Variants in CDH12 observed in about 807,000 individuals in gnomAD.
The protein encoded by CDH12 is cadherin 12.
A neutral mutation model predicts 74.1 loss-of-function variants in CDH12; 41 were observed. That is an observed-to-expected ratio of 0.55 (90% confidence interval 0.43 to 0.72). The LOEUF (loss-of-function observed/expected upper bound fraction) is 0.72. Among genes scored for constraint, CDH12 ranks in the 30% least tolerant of loss-of-function variants. CDH12 has a pLI of 0.00. For synonymous variants in CDH12, 399 were observed against 355.0 expected, an observed-to-expected ratio of 1.12 and a Z score of -1.39; for missense variants, 945 against 977.2, an observed-to-expected ratio of 0.97 and a Z score of 0.44.
intron 1 of CDH12, among the ~76,000 whole-genome samples, chr5:22,759,583 G>A (rs2127052606): frequency 6.6e-6 from 1 of 152,182 alleles, no homozygotes; most frequent in South Asian, 2.1e-4. Flanking sequence ...TACCTAATCT[G>A]AACTGGCTCC....
At chr5:21,887,555 T>C (rs1265783758) in intron 6 of CDH12, among the ~76,000 whole-genome samples, 1 of 152,162 alleles carries the variant, frequency 6.6e-6, no homozygotes, top group Non-Finnish European at 1.5e-5. Flanking sequence ...TGCGGATCCA[T>C]AGCTTCCCTA....
chr5:22,782,443 C>G (rs1328675514), intron 1 of CDH12, among the ~76,000 whole-genome samples: 2 of 152,108 alleles, frequency 1.3e-5, no homozygotes, highest in African/African-American at 2.4e-5. Context: ...TCTCTCTCTC[C>G]TGCTGCCCTG....
intron 1 of CDH12, among the ~76,000 whole-genome samples, chr5:22,830,713 T>G (rs1164585691): frequency 6.6e-6 from 1 of 151,758 alleles, no homozygotes; most frequent in Non-Finnish European, 1.5e-5. Context: ...TTGAATTTCA[T>G]GTAAAACATC....
intron 1 of CDH12, among the ~76,000 whole-genome samples, chr5:22,822,865 C>A (rs556325055): frequency 6.6e-6 from 1 of 152,258 alleles, no homozygotes; most frequent in South Asian, 2.1e-4. Flanking sequence ...CCATTTGACC[C>A]AGCCATCCGA....
At chr5:21,923,123 A>T (rs1215767232) in intron 6 of CDH12, among the ~76,000 whole-genome samples, 1 of 152,126 alleles carries the variant, frequency 6.6e-6, no homozygotes, top group African/African-American at 2.4e-5. Flanking sequence ...TAATGCAATA[A>T]AGTTTTAACT....
intron 1 of CDH12, among the ~76,000 whole-genome samples, chr5:22,615,494 T>C (rs1321919164): frequency 6.6e-6 from 1 of 152,084 alleles, no homozygotes; most frequent in Admixed American, 6.6e-5. Flanking sequence ...TTTACAGTTC[T>C]GGGAAATTTT....
At chr5:22,160,385 C>T (rs1160905616) in intron 4 of CDH12, among the ~76,000 whole-genome samples, 1 of 152,074 alleles carries the variant, frequency 6.6e-6, no homozygotes, top group African/African-American at 2.4e-5. Context: ...ATTTACTGCC[C>T]TTGGTTCTCC....
intron 4 of CDH12, among the ~76,000 whole-genome samples, chr5:22,139,953 A>G (rs1746693226): frequency 6.6e-6 from 1 of 152,006 alleles, no homozygotes; most frequent in Non-Finnish European, 1.5e-5. Flanking sequence ...TTCATCATGA[A>G]GAACTACTTT....
chr5:21,876,204 A>C (rs1471704692), intron 6 of CDH12, among the ~76,000 whole-genome samples: 2 of 152,042 alleles, frequency 1.3e-5, no homozygotes, highest in Non-Finnish European at 2.9e-5. Flanking sequence ...CTTTGTTTGC[A>C]TTTTAATGGT....
At chr5:22,265,691 T>C (rs1302598793) in intron 3 of CDH12, among the ~76,000 whole-genome samples, 1 of 152,056 alleles carries the variant, frequency 6.6e-6, no homozygotes, top group Admixed American at 6.6e-5. Context: ...TGGGGGAAAA[T>C]AGTACTGAAG....
intron 1 of CDH12, among the ~76,000 whole-genome samples, chr5:22,645,364 G>A (rs964633464): frequency 6.6e-6 from 1 of 152,044 alleles, no homozygotes; most frequent in African/African-American, 2.4e-5. Flanking sequence ...TGCAGATGTG[G>A]TAGAAACTGC....
intron 1 of CDH12, among the ~76,000 whole-genome samples, chr5:22,799,199 A>G (rs9293037): frequency 0.055 from 8,388 of 152,212 alleles, 338 homozygotes; most frequent in East Asian, 0.17. Context: ...TACCTTAGGC[A>G]TATTTTTTCC....
At chr5:21,899,345 T>C (rs1286498102) in intron 6 of CDH12, among the ~76,000 whole-genome samples, 1 of 152,204 alleles carries the variant, frequency 6.6e-6, no homozygotes, top group Non-Finnish European at 1.5e-5. Flanking sequence ...CTCATAATAC[T>C]CAGAGAACCT....
intron 3 of CDH12, among the ~76,000 whole-genome samples, chr5:22,315,241 C>T (rs920167798): frequency 2.7e-5 from 4 of 149,226 alleles, no homozygotes; most frequent in African/African-American, 9.9e-5. Flanking sequence ...GGATTACTGG[C>T]GTGAGCCACC....
chr5:22,389,870 G>C (rs1308837743), intron 3 of CDH12, among the ~76,000 whole-genome samples: 1 of 151,860 alleles, frequency 6.6e-6, no homozygotes, highest in South Asian at 2.1e-4. Context: ...GGATGGTCTC[G>C]ATCTCCTGAC....
Position 22,644,512 on chromosome 5 carries a change from C to T in CDH12, c.-522-139148G>A, listed in dbSNP as rs138522397. Among the ~76,000 whole-genome samples, 1,215 of 151,916 alleles carry T rather than the reference C, an allele frequency of 8.0e-3. 12 individuals are homozygous for T. Among genetic ancestry groups the T allele is most frequent in the African/African-American group, 0.026 (1,058 of 41,452 alleles). On this transcript the variant is annotated intron_variant, in intron 1 of 14. Transcript: ENST00000382254. ...GAAGTGAGAAGCTATAGAAAAAAGA[C>T]AGATAAATAAAAATTTTTAAAAAAT...
rs144445121 is a variant in CDH12, at chr5:22,506,122, C to T, written c.-522-758G>A. Among the ~76,000 whole-genome samples the T allele has an allele frequency of 6.4e-3, 981 of 152,122 alleles. 23 individuals are homozygous for T. The highest frequency in any genetic ancestry group is 0.05 in the Admixed American group (770 of 15,250). ...AGCTGACTGGGGTACTGTTTGCCAC[C>T]GTTTCGTACTATAAAGTTCCTTTTG... On this transcript the variant is annotated intron_variant, in intron 1 of 14. Coordinates refer to ENST00000382254, the MANE Select transcript of CDH12 (RefSeq NM_004061.5).
intron 1 of CDH12, among the ~76,000 whole-genome samples, chr5:22,784,054 C>A (rs950031009): frequency 2.6e-5 from 4 of 151,906 alleles, no homozygotes; most frequent in Non-Finnish European, 2.9e-5. Context: ...TTATTTTTCT[C>A]TATATATTTA....
intron 1 of CDH12, among the ~76,000 whole-genome samples, chr5:22,664,365 A>C (rs1399761327): frequency 6.6e-6 from 1 of 152,070 alleles, no homozygotes; most frequent in African/African-American, 2.4e-5. Flanking sequence ...AGGGGAAGCA[A>C]GGTACCTTTT....
Sources: gnomAD v4.1 joint callset for allele counts (sites outside exome capture counted in the v4.1 genomes callset) on GRCh38, gnomAD v4.1.1 for gene constraint, MANE v1.5 for transcripts, NCBI Gene and HGNC (gene_info 2026-07-23, HGNC 2026-07-21) for gene names.